CNTNAP2: variants seen among roughly 807,000 people sequenced by gnomAD.
CNTNAP2 encodes the protein contactin-associated protein-like 2.
Under a neutral mutation model 155.2 loss-of-function variants are expected in CNTNAP2, and 98 were observed. The ratio of observed to expected loss-of-function variants is 0.63; its 90% CI spans 0.54 to 0.75. The LOEUF (loss-of-function observed/expected upper bound fraction) is 0.75, where lower values mean the gene tolerates loss of function less well. CNTNAP2 is among the 30% of genes least tolerant of loss of function. The pLI is 0.00. For missense variants in CNTNAP2, 1,727 were observed against 1,688.1 expected, an observed-to-expected ratio of 1.02 and a Z score of -0.40; for synonymous variants, 651 against 631.2, an observed-to-expected ratio of 1.03 and a Z score of -0.47.
At chr7:146,680,857 A>G (rs766959945) in intron 1 of CNTNAP2, among the ~76,000 whole-genome samples, 1 of 152,216 alleles carries the variant, frequency 6.6e-6, no homozygotes, top group Non-Finnish European at 1.5e-5. Flanking sequence ...AGGCATTCTT[A>G]CATAGGTTCA....
chr7:147,394,262 T>TC (rs1293741273), intron 9 of CNTNAP2, among the ~76,000 whole-genome samples: 1 of 151,996 alleles, frequency 6.6e-6, no homozygotes, highest in Non-Finnish European at 1.5e-5. Flanking sequence ...TCCTGAGCCC[T>TC]CCCCAGATAT....
intron 13 of CNTNAP2, among the ~76,000 whole-genome samples, chr7:147,683,890 G>A (rs1795984219): frequency 6.6e-6 from 1 of 151,166 alleles, no homozygotes; most frequent in Non-Finnish European, 1.5e-5. Flanking sequence ...AATTACTAAT[G>A]TTTCAACAGA....
chr7:146,240,176 A>C (rs1482046395), intron 1 of CNTNAP2, among the ~76,000 whole-genome samples: 1 of 152,186 alleles, frequency 6.6e-6, no homozygotes, highest in Non-Finnish European at 1.5e-5. Context: ...GCTCCTGCCT[A>C]AATTTTTTGC....
intron 15 of CNTNAP2, among the ~76,000 whole-genome samples, chr7:148,115,134 G>T (rs1478971020): frequency 6.6e-6 from 1 of 152,232 alleles, no homozygotes; most frequent in African/African-American, 2.4e-5. Context: ...AAATTAGATT[G>T]AAGTTGCTTA....
intron 3 of CNTNAP2, among the ~76,000 whole-genome samples, chr7:146,969,203 C>A (rs1424455078): frequency 6.6e-6 from 1 of 152,224 alleles, no homozygotes; most frequent in East Asian, 1.9e-4. Flanking sequence ...TGATCTTTTA[C>A]ATTTGCTGAG....
chr7:146,780,586 C>CT (rs111474035), intron 2 of CNTNAP2, among the ~76,000 whole-genome samples: 19 of 151,936 alleles, frequency 1.3e-4, no homozygotes, highest in African/African-American at 2.2e-4. Context: ...TGATGATGAG[C>CT]TTTTTTTTAA....
At position 146,505,562 on chromosome 7, in the gene CNTNAP2, TTC is replaced by T. The variant is rs564969468; in HGVS notation, c.98-268708_98-268707del. The stretch of plus-strand genomic sequence containing the variant: ...CCCTGGAGACTTCCTTCCCTGGCCA[TTC>T]CCCTATGAATGGTCAATCATAGAGG... On this transcript the variant is annotated intron_variant, in intron 1 of 23. Transcript: ENST00000361727. Among the ~76,000 whole-genome samples, 323 of 152,288 alleles carry T rather than the reference TTC, an allele frequency of 2.1e-3. 3 individuals carry two copies. The highest frequency in any genetic ancestry group is 7.3e-3 in the African/African-American group (302 of 41,558).
At chr7:148,018,223 G>A (rs1802213511) in intron 15 of CNTNAP2, among the ~76,000 whole-genome samples, 1 of 152,184 alleles carries the variant, frequency 6.6e-6, no homozygotes, top group African/African-American at 2.4e-5. Flanking sequence ...TGAAACTGCT[G>A]CTAACTATTG....
chr7:146,964,484 A>G (rs1797617824), intron 3 of CNTNAP2, among the ~76,000 whole-genome samples: 1 of 152,208 alleles, frequency 6.6e-6, no homozygotes, highest in African/African-American at 2.4e-5. Flanking sequence ...TCAATTTGTT[A>G]GCTGCAGTGT....
chr7:147,072,980 G>A (rs541012649), intron 4 of CNTNAP2, among the ~76,000 whole-genome samples: 2 of 149,874 alleles, frequency 1.3e-5, no homozygotes, highest in African/African-American at 4.9e-5. Flanking sequence ...AGCCTCCCAA[G>A]TAGCTGGGAC....
At chr7:147,329,140 C>CG (rs1483435402) in intron 9 of CNTNAP2, among the ~76,000 whole-genome samples, 16 of 151,520 alleles carry the variant, frequency 1.1e-4, no homozygotes, top group African/African-American at 3.9e-4. Context: ...GATTGAGCAC[C>CG]CCCCCACACA....
intron 21 of CNTNAP2, among the ~76,000 whole-genome samples, chr7:148,283,308 G>GAAAGAAAGAAAGAAAGAAAGAAAGA (rs1563024795): frequency 2.7e-4 from 17 of 62,238 alleles, no homozygotes; most frequent in Non-Finnish European, 4.4e-4. Context: ...AGAAAGAAAG[G>GAAAGAAAGAAAGAAAGAAAGAAAGA]AAGGAAGGAA....
intron 8 of CNTNAP2, among the ~76,000 whole-genome samples, chr7:147,141,776 A>G (rs1247387937): frequency 1.3e-5 from 2 of 152,150 alleles, no homozygotes; most frequent in African/African-American, 2.4e-5. Flanking sequence ...CCTGACATCA[A>G]TGATGTCCTT....
intron 1 of CNTNAP2, among the ~76,000 whole-genome samples, chr7:146,536,469 A>G (rs912130577): frequency 2.0e-5 from 3 of 152,006 alleles, no homozygotes; most frequent in African/African-American, 4.8e-5. Context: ...TACATTTTTA[A>G]TGATGCATTG....
At chr7:148,299,444 G>A (rs756307583) in intron 21 of CNTNAP2, among the ~76,000 whole-genome samples, 9 of 152,230 alleles carry the variant, frequency 5.9e-5, no homozygotes, top group Non-Finnish European at 1.3e-4. Flanking sequence ...AGGAAGGCTG[G>A]GCAGAGCCAG....
intron 3 of CNTNAP2, among the ~76,000 whole-genome samples, chr7:146,896,032 CT>C (rs960270934): frequency 2.0e-5 from 3 of 151,994 alleles, no homozygotes; most frequent in Non-Finnish European, 4.4e-5. Context: ...CCTCCAGAAA[CT>C]TTATTTTTCT....
intron 8 of CNTNAP2, among the ~76,000 whole-genome samples, chr7:147,238,119 A>G (rs1803854854): frequency 6.6e-6 from 1 of 152,124 alleles, no homozygotes; most frequent in Non-Finnish European, 1.5e-5. Flanking sequence ...GGTTCACGCC[A>G]TTCTCCTGCC....
chr7:147,973,855 G>T (rs1262733388), intron 14 of CNTNAP2, among the ~76,000 whole-genome samples: 1 of 152,048 alleles, frequency 6.6e-6, no homozygotes, highest in Non-Finnish European at 1.5e-5. Flanking sequence ...TAAATTCTCT[G>T]ATTCTCATTC....
intron 1 of CNTNAP2, among the ~76,000 whole-genome samples, chr7:146,506,731 T>G (rs1309092113): frequency 6.6e-6 from 1 of 152,234 alleles, no homozygotes; most frequent in Non-Finnish European, 1.5e-5. Flanking sequence ...AAGATTACCA[T>G]AGGTGTCTCC....
Sources: allele counts gnomAD v4.1 joint callset (sites outside exome capture counted in the v4.1 genomes callset), GRCh38; gene constraint gnomAD v4.1.1; transcripts MANE v1.5; gene names NCBI Gene and HGNC (gene_info 2026-07-23, HGNC 2026-07-21).